ZFYVE9: variants seen among roughly 807,000 people sequenced by gnomAD.
The protein encoded by ZFYVE9 is zinc finger FYVE domain-containing protein 9.
Under a neutral mutation model 126.7 loss-of-function variants are expected in ZFYVE9, and 43 were observed. The ratio of observed to expected loss-of-function variants is 0.34; its 90% CI spans 0.27 to 0.44. The LOEUF is 0.44. Ranked by LOEUF, ZFYVE9 falls within the 20% of genes least tolerant of loss-of-function variation. The pLI, the probability that ZFYVE9 is intolerant of heterozygous loss-of-function variation, is 1.00. For missense variants in ZFYVE9, 1,476 were observed against 1,697.0 expected, an observed-to-expected ratio of 0.87 and a Z score of 2.29; for synonymous variants, 521 against 597.4, an observed-to-expected ratio of 0.87 and a Z score of 1.87.
intron 1 of ZFYVE9, among the ~76,000 whole-genome samples, chr1:52,194,249 A>C (rs1016796331): frequency 6.6e-6 from 1 of 152,248 alleles, no homozygotes; most frequent in Non-Finnish European, 1.5e-5. Flanking sequence ...TGAAAATAGC[A>C]TAGAAAACAT....
At chr1:52,270,961 A>G (rs1645686691) in intron 7 of ZFYVE9, among the ~76,000 whole-genome samples, 1 of 152,172 alleles carries the variant, frequency 6.6e-6, no homozygotes, top group Non-Finnish European at 1.5e-5. Context: ...AGGCCAAGGC[A>G]GGAGGATTGC....
In ZFYVE9 at chr1:52,199,708, G is replaced by C. The variant is rs551141384; in HGVS notation, c.-142-16661G>C. 5.9e-5 allele frequency among the ~76,000 whole-genome samples: 9 copies of C among 152,318 alleles called. No homozygotes were observed. In the East Asian group the frequency reaches 1.5e-3, roughly 26 times the overall value. On this transcript the variant is annotated intron_variant, in intron 1 of 18. Coordinates refer to ENST00000287727, the MANE Select transcript of ZFYVE9 (RefSeq NM_004799.4). ...TGTGTAAATACTGAGGAGCACGATT[G>C]CTGGATCATATTTTAAGAGTATATT...
intron 1 of ZFYVE9, among the ~76,000 whole-genome samples, chr1:52,202,673 T>A (rs1644935030): frequency 6.6e-6 from 1 of 151,984 alleles, no homozygotes; most frequent in South Asian, 2.1e-4. Context: ...TTAAAAAAAA[T>A]TATTTTATGT....
At chr1:52,301,500 C>T (rs922237216) in intron 12 of ZFYVE9, among the ~76,000 whole-genome samples, 2 of 151,730 alleles carry the variant, frequency 1.3e-5, no homozygotes, top group African/African-American at 4.8e-5. Flanking sequence ...GACAAGGCCT[C>T]GCAGTGTTTC....
At chr1:52,327,637 T>A (rs898596141) in intron 13 of ZFYVE9, among the ~76,000 whole-genome samples, 1 of 150,236 alleles carries the variant, frequency 6.7e-6, no homozygotes, top group Non-Finnish European at 1.5e-5. Flanking sequence ...AAATTGGCAT[T>A]TTCAGGGGAC....
At chr1:52,295,426 CTCTGTCACCCAT>C (rs1645963990) in intron 11 of ZFYVE9, among the ~76,000 whole-genome samples, 1 of 152,058 alleles carries the variant, frequency 6.6e-6, no homozygotes, top group South Asian at 2.1e-4. Context: ...CTCCAGCCCA[CTCTGTCACCCAT>C]TCTGTCACCT....
At chr1:52,260,884 G>A (rs1415517445) in intron 4 of ZFYVE9, among the ~76,000 whole-genome samples, 1 of 152,066 alleles carries the variant, frequency 6.6e-6, no homozygotes, top group South Asian at 2.1e-4. Flanking sequence ...ATCCTACAGA[G>A]CCTTTGCTTG....
At chr1:52,177,163 T>G (rs896936367) in intron 1 of ZFYVE9, among the ~76,000 whole-genome samples, 43 of 151,678 alleles carry the variant, frequency 2.8e-4, no homozygotes, top group Non-Finnish European at 6.0e-4. Flanking sequence ...TTTTTTTTTT[T>G]TTTGAGACGG....
chr1:52,256,174 T>G lies in ZFYVE9; in HGVS notation c.2179-7599T>G, dbSNP rs192122229. 9.2e-3 allele frequency among the ~76,000 whole-genome samples: 1,393 copies of G among 151,250 alleles called. 20 individuals are homozygous for G. The highest frequency in any genetic ancestry group is 0.032 in the African/African-American group (1,327 of 41,106). ...TCCACCTCCTGGGTTCAAGTGATTCTCCTGCCTCAGCCTCCCAAGTAGCTG... is the reference window on the plus strand; with the variant it reads ...TCCACCTCCTGGGTTCAAGTGATTCGCCTGCCTCAGCCTCCCAAGTAGCTG... On this transcript the variant is annotated intron_variant, in intron 4 of 18. Coordinates refer to ENST00000287727, the MANE Select transcript of ZFYVE9 (RefSeq NM_004799.4).
At chr1:52,214,669 G>GT (rs1553125549) in intron 1 of ZFYVE9, among the ~76,000 whole-genome samples, 1 of 151,514 alleles carries the variant, frequency 6.6e-6, no homozygotes, top group East Asian at 1.9e-4. Flanking sequence ...TATATGGAGG[G>GT]GTGTGTGTGT....
intron 1 of ZFYVE9, among the ~76,000 whole-genome samples, chr1:52,204,857 C>T (rs1376860351): frequency 6.6e-6 from 1 of 152,140 alleles, no homozygotes; most frequent in Non-Finnish European, 1.5e-5. Context: ...AAGCTTCCCA[C>T]GAAAGTGTGG....
intron 1 of ZFYVE9, among the ~76,000 whole-genome samples, chr1:52,179,456 G>A (rs1644675067): frequency 6.6e-6 from 1 of 151,866 alleles, no homozygotes; most frequent in Admixed American, 6.6e-5. Flanking sequence ...CTAACGTTGT[G>A]AAACCTGTCT....
intron 1 of ZFYVE9, among the ~76,000 whole-genome samples, chr1:52,182,404 A>G (rs190600401): frequency 6.6e-6 from 1 of 152,180 alleles, no homozygotes; most frequent in Admixed American, 6.5e-5. Context: ...GTTCTGTACT[A>G]AGAAAAATTC....
intron 13 of ZFYVE9, among the ~76,000 whole-genome samples, chr1:52,319,656 G>T (rs1267150845): frequency 4.6e-5 from 7 of 151,410 alleles, no homozygotes; most frequent in African/African-American, 1.7e-4. Context: ...AATAAAAATT[G>T]AGGTACTGAT....
intron 12 of ZFYVE9, among the ~76,000 whole-genome samples, chr1:52,302,776 A>G (rs1569714284): frequency 6.6e-6 from 1 of 151,138 alleles, no homozygotes; most frequent in African/African-American, 2.4e-5. Context: ...ATCTGTATCT[A>G]TATATCTAGA....
intron 10 of ZFYVE9, 49 bp from the exon 11 acceptor site, chr1:52,293,404 A>AAATT: frequency 1.1e-6 from 1 of 938,542 alleles, no homozygotes; most frequent in Non-Finnish European, 1.6e-6. Flanking sequence ...AAAAAGAAAT[A>AAATT]TGATTAATTT....
rs1015251644 is a variant in ZFYVE9 at position 52,220,236 on chromosome 1, T to C, written c.-37+3762T>C. Among the ~76,000 whole-genome samples, 12 of 152,264 alleles carry C rather than the reference T, an allele frequency of 7.9e-5. No homozygotes were observed. In the East Asian group the frequency reaches 2.3e-3, roughly 29 times the overall value. On this transcript the variant is annotated intron_variant, in intron 2 of 18. Coordinates refer to ENST00000287727, the MANE Select transcript of ZFYVE9 (RefSeq NM_004799.4). ...CCTGATGAAGGTGGATGCCAGGGAG[T>C]ATGATATTCCCATTTTATTCCTAGT...
At chr1:52,182,047 G>A (rs1319611674) in intron 1 of ZFYVE9, among the ~76,000 whole-genome samples, 26 of 151,290 alleles carry the variant, frequency 1.7e-4, no homozygotes, top group Non-Finnish European at 2.8e-4. Context: ...GGAGGGAGGC[G>A]AGGGGGTCAG....
At chr1:52,194,373 C>G (rs1644842205) in intron 1 of ZFYVE9, among the ~76,000 whole-genome samples, 1 of 151,508 alleles carries the variant, frequency 6.6e-6, no homozygotes, top group Admixed American at 6.6e-5. Flanking sequence ...GGAAGACCTT[C>G]ATATAAAAAA....
Sources: allele counts gnomAD v4.1 joint callset (sites outside exome capture counted in the v4.1 genomes callset), GRCh38; gene constraint gnomAD v4.1.1; transcripts MANE v1.5; gene names NCBI Gene and HGNC (gene_info 2026-07-23, HGNC 2026-07-21).